Variants in RBBP4 observed in about 807,000 individuals in gnomAD.
The protein encoded by RBBP4 is RB binding protein 4, chromatin remodeling factor, also known as histone-binding protein RBBP4.
In RBBP4, 3 loss-of-function variants were observed where a neutral mutation model predicts 57.2. The ratio of observed to expected loss-of-function variants is 0.05; its 90% CI spans 0.02 to 0.14. RBBP4 has a LOEUF of 0.14. Ranked by LOEUF, RBBP4 falls within the 10% of genes least tolerant of loss-of-function variation. The probability of loss-of-function intolerance (pLI) is 1.00; values close to 1 mark genes in which losing one functional copy is unlikely to be tolerated. For synonymous variants in RBBP4, 151 were observed against 171.5 expected (o/e 0.88, Z 0.93); for missense variants, 107 against 520.6 (o/e 0.21, Z 7.73).
At chr1:32,654,622 G>T (rs1376607871) in intron 2 of RBBP4, among the ~76,000 whole-genome samples, 2 of 152,182 alleles carry the variant, frequency 1.3e-5, no homozygotes, top group Non-Finnish European at 2.9e-5. Flanking sequence ...GCTGAAATCT[G>T]TACTGTCATC....
At chr1:32,657,609 G>A in intron 3 of RBBP4, 37 bp downstream of exon 3, 1 of 1,600,802 alleles carries the variant, frequency 6.2e-7, no homozygotes, top group Non-Finnish European at 8.5e-7. Flanking sequence ...AAAGATGTGT[G>A]GGTCATATCT....
intron 2 of RBBP4, among the ~76,000 whole-genome samples, chr1:32,654,801 C>A (rs924767877): frequency 6.6e-6 from 1 of 152,156 alleles, no homozygotes; most frequent in South Asian, 2.1e-4. Context: ...TCAATCGATT[C>A]TCCTGCCCCA....
chr1:32,661,141 T>C (rs1385721670), intron 3 of RBBP4, among the ~76,000 whole-genome samples: 2 of 152,154 alleles, frequency 1.3e-5, no homozygotes, highest in African/African-American at 4.8e-5. Context: ...CAGTCAACCA[T>C]TGATGGACAC....
intron 2 of RBBP4, among the ~76,000 whole-genome samples, chr1:32,653,493 A>G (rs1647981567): frequency 6.6e-6 from 1 of 152,190 alleles, no homozygotes; most frequent in Non-Finnish European, 1.5e-5. Context: ...CAGAAATTAT[A>G]CTAGTAACTT....
chr1:32,659,610 T>C (rs1401645590), intron 3 of RBBP4, among the ~76,000 whole-genome samples: 1 of 151,976 alleles, frequency 6.6e-6, no homozygotes, highest in Non-Finnish European at 1.5e-5. Flanking sequence ...ATCACTTAAA[T>C]GGATGTATTG....
At position 32,680,293 on chromosome 1, in the gene RBBP4, T is replaced by C. The variant is rs1253437710; in HGVS notation, c.*588T>C. On this transcript the variant is annotated 3_prime_UTR_variant, in exon 12 of 12. Transcript: ENST00000373493. ...ATATATTTTTGCTCGTTAGTGTATT[T>C]CTTGAGCTGTTTTCATGTTGTTTAT... 1 of 1,281,948 alleles carries C rather than the reference T, an allele frequency of 7.8e-7. No homozygotes were observed. The highest frequency in any genetic ancestry group is 9.9e-7 in the Non-Finnish European group (1 of 1,013,800). The allele number at this position is 1,281,948 out of a possible 1,614,324, so 79.4% of individuals were successfully genotyped here.
At chr1:32,674,400 A>G (rs1030936212) in intron 11 of RBBP4, among the ~76,000 whole-genome samples, 1 of 152,036 alleles carries the variant, frequency 6.6e-6, no homozygotes, top group East Asian at 1.9e-4. Flanking sequence ...GCCCTGGTTA[A>G]TTTTTAAAAT....
chr1:32,657,384 T>C lies in RBBP4; in HGVS notation c.165-43T>C, dbSNP rs762298223. 2.5e-6 allele frequency: 4 copies of C among 1,582,326 alleles called. No homozygotes were observed. In the South Asian group the frequency reaches 3.4e-5, roughly 13 times the overall value. ...GTATATTGTTGACTTCGCCGTCTCCTGATGTTACTAATTTGAACAGTGACT... is the reference window on the plus strand; with the variant it reads ...GTATATTGTTGACTTCGCCGTCTCCCGATGTTACTAATTTGAACAGTGACT... On this transcript the variant is annotated intron_variant, in intron 2 of 11. Transcript: ENST00000373493.
chr1:32,660,994 G>T (rs989690917), intron 3 of RBBP4, among the ~76,000 whole-genome samples: 1 of 151,844 alleles, frequency 6.6e-6, no homozygotes, highest in African/African-American at 2.4e-5. Flanking sequence ...TGTATTTTTT[G>T]TAGAGAGTAG....
At chr1:32,673,577 A>G (rs960839900) in intron 11 of RBBP4, 13 of 349,466 alleles carry the variant, frequency 3.7e-5, no homozygotes, top group African/African-American at 2.5e-4. Context: ...AGCTGGGACT[A>G]TAGGTGCGTA....
chr1:32,655,891 G>A (rs1648119095), intron 2 of RBBP4, among the ~76,000 whole-genome samples: 1 of 152,156 alleles, frequency 6.6e-6, no homozygotes, highest in African/African-American at 2.4e-5. Context: ...ATCATAATCA[G>A]CTGGAGGTAC....
chr1:32,667,449 C>T (rs368451841), intron 3 of RBBP4, among the ~76,000 whole-genome samples: 2 of 152,218 alleles, frequency 1.3e-5, no homozygotes, highest in African/African-American at 4.8e-5. Context: ...TCCTCCTTAC[C>T]TCGCCCCCTT....
intron 3 of RBBP4, among the ~76,000 whole-genome samples, chr1:32,660,492 C>G (rs1046624763): frequency 6.6e-6 from 1 of 152,010 alleles, no homozygotes; most frequent in Admixed American, 6.6e-5. Context: ...TCTCTGCTCA[C>G]TGCAACCTCC....
intron 3 of RBBP4, among the ~76,000 whole-genome samples, chr1:32,659,069 T>C (rs1301455501): frequency 6.8e-6 from 1 of 146,498 alleles, no homozygotes; most frequent in African/African-American, 2.5e-5. Flanking sequence ...ATAAATTATA[T>C]ATGTAAAACT....
At chr1:32,677,398 G>T (rs1649146543) in intron 11 of RBBP4, among the ~76,000 whole-genome samples, 2 of 151,596 alleles carry the variant, frequency 1.3e-5, no homozygotes, top group Non-Finnish European at 2.9e-5. Flanking sequence ...AGACTTGATG[G>T]AAACTCTGCA....
chr1:32,651,385 A>G (rs1647610499), intron 1 of RBBP4, 63 bp downstream of exon 1: 2 of 1,402,342 alleles, frequency 1.4e-6, no homozygotes, highest in African/African-American at 1.5e-5. Context: ...CGGCCTCGAC[A>G]TGGCCTAACA....
chr1:32,666,358 CTTTATT>C (rs959270281), intron 3 of RBBP4, among the ~76,000 whole-genome samples: 1 of 93,068 alleles, frequency 1.1e-5, no homozygotes, highest in African/African-American at 3.3e-5. Flanking sequence ...AATTTGAAAA[CTTTATT>C]TTTTTTTTTT....
intron 3 of RBBP4, among the ~76,000 whole-genome samples, chr1:32,667,158 C>A (rs575670000): frequency 4.2e-4 from 64 of 152,202 alleles, no homozygotes; most frequent in Non-Finnish European, 8.5e-4. Context: ...CACAGTCATC[C>A]GGAGGCCTAA....
chr1:32,651,232 A>C lies in RBBP4; in HGVS notation c.-75A>C. The C allele has an allele frequency of 3.3e-6, 5 of 1,505,116 alleles. 1 individual carries two copies. Among genetic ancestry groups the C allele is most frequent in the Non-Finnish European group, 2.7e-6 (3 of 1,125,234 alleles). 93.2% of individuals were successfully genotyped at this position (1,505,116 alleles called of 1,614,324 possible). A position where few individuals can be genotyped will look rare whatever the true frequency, so the allele number is the denominator to read the frequency against. ...AGGAAACAATAGAGGCCGCGCGCAC[A>C]GAGCGAGCTCTTGCAGCCTCCCCGC... On this transcript the variant is annotated 5_prime_UTR_variant, in exon 1 of 12. Transcript: ENST00000373493.
Sources: gnomAD v4.1 joint callset for allele counts (sites outside exome capture counted in the v4.1 genomes callset) on GRCh38, gnomAD v4.1.1 for gene constraint, MANE v1.5 for transcripts, NCBI Gene and HGNC (gene_info 2026-07-23, HGNC 2026-07-21) for gene names.